Variants in CDH13 observed in about 807,000 individuals in gnomAD.
CDH13 encodes the protein cadherin 13.
A neutral mutation model predicts 63.8 loss-of-function variants in CDH13; 24 were observed. That is an observed-to-expected ratio of 0.38 (90% CI 0.27 to 0.53). The LOEUF is 0.53. Among genes scored for constraint, CDH13 ranks in the 20% least tolerant of loss-of-function variants. The pLI, the probability that CDH13 is intolerant of heterozygous loss-of-function variation, is 0.85. For synonymous variants in CDH13, 503 were observed against 355.3 expected, an observed-to-expected ratio of 1.42 and a Z score of -4.67; for missense variants, 1,049 against 903.1, an observed-to-expected ratio of 1.16 and a Z score of -2.07.
At chr16:83,325,038 C>T (rs1055030076) in intron 5 of CDH13, among the ~76,000 whole-genome samples, 1 of 152,172 alleles carries the variant, frequency 6.6e-6, no homozygotes, top group Non-Finnish European at 1.5e-5. Flanking sequence ...TGTCTCCCTC[C>T]TCTTCCCCAT....
chr16:83,384,073 A>G (rs949230528), intron 6 of CDH13, among the ~76,000 whole-genome samples: 2 of 152,154 alleles, frequency 1.3e-5, no homozygotes, highest in Admixed American at 6.5e-5. Flanking sequence ...CAACTACTGT[A>G]TCTCTCTGCA....
In CDH13 at chr16:83,667,128, G is replaced by T. The variant is rs113557443; in HGVS notation, c.1102-3662G>T. On this transcript the variant is annotated intron_variant, in intron 8 of 13. Coordinates refer to ENST00000567109, the MANE Select transcript of CDH13 (RefSeq NM_001257.5). The stretch of plus-strand genomic sequence containing the variant: ...GGATGGATGGATGGATGGATGGATG[G>T]ATAAATAGATAGATGGATGGCAGGT... Among the ~76,000 whole-genome samples, 355 of 147,238 alleles carry T rather than the reference G, an allele frequency of 2.4e-3. 2 individuals carry two copies. The highest frequency in any genetic ancestry group is 7.0e-3 in the Middle Eastern group (2 of 286).
chr16:83,332,567 G>A (rs537003522), intron 5 of CDH13, among the ~76,000 whole-genome samples: 5 of 152,134 alleles, frequency 3.3e-5, no homozygotes, highest in African/African-American at 7.2e-5. Context: ...ATTTCTCTCT[G>A]CTGGCTTTGT....
intron 2 of CDH13, among the ~76,000 whole-genome samples, chr16:82,874,585 C>G (rs1035292307): frequency 1.3e-5 from 2 of 152,102 alleles, no homozygotes; most frequent in East Asian, 1.9e-4. Context: ...CTATTTTTAG[C>G]TAAAACTGGT....
intron 6 of CDH13, among the ~76,000 whole-genome samples, chr16:83,423,693 A>G (rs1455759863): frequency 6.6e-6 from 1 of 152,220 alleles, no homozygotes; most frequent in African/African-American, 2.4e-5. Flanking sequence ...GGAATTCTTT[A>G]GTATAAATTA....
chr16:82,801,868 C>A (rs928738018), intron 1 of CDH13, among the ~76,000 whole-genome samples: 1 of 152,088 alleles, frequency 6.6e-6, no homozygotes, highest in African/African-American at 2.4e-5. Flanking sequence ...GATTTTGTTC[C>A]CAAACACTCA....
chr16:82,943,705 C>T (rs997812217), intron 2 of CDH13, among the ~76,000 whole-genome samples: 1 of 152,186 alleles, frequency 6.6e-6, no homozygotes, highest in Non-Finnish European at 1.5e-5. Context: ...TATAACCTGG[C>T]CTTGCCCTTC....
chr16:82,939,489 G>A (rs2042768054), intron 2 of CDH13, among the ~76,000 whole-genome samples: 1 of 151,248 alleles, frequency 6.6e-6, no homozygotes, highest in Non-Finnish European at 1.5e-5. Flanking sequence ...GAGGGAGGGA[G>A]GGAAGGAGGG....
At chr16:82,991,681 C>T (rs991322308) in intron 2 of CDH13, among the ~76,000 whole-genome samples, 1 of 152,088 alleles carries the variant, frequency 6.6e-6, no homozygotes, top group East Asian at 1.9e-4. Flanking sequence ...CTCAAGCAAC[C>T]GCTGATGTGA....
intron 6 of CDH13, among the ~76,000 whole-genome samples, chr16:83,425,145 A>G (rs1047373851): frequency 4.6e-5 from 7 of 152,200 alleles, no homozygotes; most frequent in Admixed American, 4.6e-4. Context: ...GTATTTGTAA[A>G]AGGTCATTCT....
chr16:82,659,946 G>A (rs1244516852), intron 1 of CDH13, among the ~76,000 whole-genome samples: 1 of 152,108 alleles, frequency 6.6e-6, no homozygotes, highest in African/African-American at 2.4e-5. Flanking sequence ...GGGAAAGGGG[G>A]GAAAGTGACT....
chr16:82,674,052 C>T (rs1913607489), intron 1 of CDH13, among the ~76,000 whole-genome samples: 1 of 152,112 alleles, frequency 6.6e-6, no homozygotes, highest in African/African-American at 2.4e-5. Flanking sequence ...TTATGTTGGT[C>T]CTGTTGTTTG....
chr16:83,647,312 C>CAAA (rs772041222), intron 8 of CDH13, among the ~76,000 whole-genome samples: 1 of 86,414 alleles, frequency 1.2e-5, no homozygotes, highest in Non-Finnish European at 2.5e-5. Flanking sequence ...GACTCTGTCT[C>CAAA]AAAAAAAAAA....
At chr16:83,304,137 G>T (rs894799623) in intron 5 of CDH13, among the ~76,000 whole-genome samples, 1 of 152,170 alleles carries the variant, frequency 6.6e-6, no homozygotes, top group African/African-American at 2.4e-5. Flanking sequence ...AGTAATAGGA[G>T]ATAAGGCTGG....
At chr16:83,293,816 C>A (rs944224237) in intron 5 of CDH13, among the ~76,000 whole-genome samples, 1 of 152,098 alleles carries the variant, frequency 6.6e-6, no homozygotes, top group Non-Finnish European at 1.5e-5. Context: ...CAGTTTCTTC[C>A]CAACAGAGTG....
intron 6 of CDH13, among the ~76,000 whole-genome samples, 177 bp from the exon 7 acceptor site, chr16:83,486,300 G>C (rs756362405): frequency 6.6e-6 from 1 of 152,202 alleles, no homozygotes; most frequent in Admixed American, 6.5e-5. Flanking sequence ...GAATGAAACA[G>C]AGAGGGAAAG....
At chr16:82,942,803 G>T (rs1904308448) in intron 2 of CDH13, among the ~76,000 whole-genome samples, 1 of 152,162 alleles carries the variant, frequency 6.6e-6, no homozygotes, top group Non-Finnish European at 1.5e-5. Flanking sequence ...GCTGGGATTG[G>T]AACTCAGGTT....
chr16:83,511,954 G>A (rs2074576051), intron 7 of CDH13, among the ~76,000 whole-genome samples: 1 of 152,120 alleles, frequency 6.6e-6, no homozygotes, highest in African/African-American at 2.4e-5. Context: ...GCTTTTGCTT[G>A]GTGAATAGTT....
intron 10 of CDH13, among the ~76,000 whole-genome samples, chr16:83,738,687 C>T (rs1392012857): frequency 1.3e-5 from 2 of 152,186 alleles, no homozygotes; most frequent in African/African-American, 2.4e-5. Flanking sequence ...GCAGGTGGAT[C>T]ACAAGGTCAG....
Sources: gnomAD v4.1 joint callset for allele counts (sites outside exome capture counted in the v4.1 genomes callset) on GRCh38, gnomAD v4.1.1 for gene constraint, MANE v1.5 for transcripts, NCBI Gene and HGNC (gene_info 2026-07-23, HGNC 2026-07-21) for gene names.